Variants in FSTL3 observed in about 807,000 individuals in gnomAD.
The protein encoded by FSTL3 is follistatin like 3.
In FSTL3, 21 loss-of-function variants were observed where a neutral mutation model predicts 28.1. That is an observed-to-expected ratio of 0.75 (90% CI 0.53 to 1.08). The LOEUF is 1.08. Ranked by LOEUF, FSTL3 falls within the 50% of genes least tolerant of loss-of-function variation. FSTL3 has a pLI of 0.00. For missense variants in FSTL3, 400 were observed against 380.9 expected, an observed-to-expected ratio of 1.05 and a Z score of -0.42; for synonymous variants, 199 against 164.2, an observed-to-expected ratio of 1.21 and a Z score of -1.62.
chr19:677,899 TG>T lies in FSTL3; in HGVS notation c.213del (p.Trp71CysfsTer89). The T allele has an allele frequency of 6.2e-7, 1 of 1,613,590 alleles. No homozygotes were observed. The highest frequency in any genetic ancestry group is 8.5e-7 in the Non-Finnish European group (1 of 1,179,990). ...TGCCTCCGGCAACATTGACACCGCC[TG>T]GTCCAACCTCACCCACCCGGGGAAC... ...CCASGNIDTAWSNLTHPGNKI... is the reference protein window; with the variant it reads ...CCASGNIDTAXSNLTHPGNKI... On this transcript the variant is annotated frameshift_variant, in exon 2 of 5. Coordinates refer to ENST00000166139, the MANE Select transcript of FSTL3 (RefSeq NM_005860.3). LOFTEE classifies it high-confidence loss of function.
intron 3 of FSTL3, chr19:680,785 C>G (rs2031316863): frequency 3.2e-6 from 1 of 312,002 alleles, no homozygotes; most frequent in Non-Finnish European, 5.9e-6. Flanking sequence ...GTAAGGGCGT[C>G]TTTATACTTC....
chr19:680,968 C>G (rs2144800808), intron 3 of FSTL3: 2 of 288,722 alleles, frequency 6.9e-6, no homozygotes, highest in Non-Finnish European at 6.4e-6. Flanking sequence ...GGGGGTGAGA[C>G]TGGGTCATGT....
intron 1 of FSTL3, 100 bp downstream of exon 1, chr19:676,626 G>GCGGCGA: frequency 2.9e-6 from 1 of 343,024 alleles, no homozygotes; most frequent in Non-Finnish European, 4.8e-6. Flanking sequence ...GGCGGCGGCG[G>GCGGCGA]GGGCGAGGGC....
intron 3 of FSTL3, chr19:680,973 T>G (rs773335707): frequency 1.0e-5 from 3 of 297,708 alleles, no homozygotes; most frequent in Non-Finnish European, 1.3e-5. Context: ...TGAGACTGGG[T>G]CATGTAAGGG....
chr19:681,859 C>T lies in FSTL3; in HGVS notation c.*151C>T, dbSNP rs1311873461. 5.6e-6 allele frequency: 4 copies of T among 719,122 alleles called. No individual in the cohort carries two copies. The highest frequency in any genetic ancestry group is 7.1e-6 in the Non-Finnish European group (3 of 423,452). The allele number at this position is 719,122 out of a possible 1,614,324, so 44.5% of individuals were successfully genotyped here. On this transcript the variant is annotated 3_prime_UTR_variant, in exon 5 of 5. Coordinates refer to ENST00000166139, the MANE Select transcript of FSTL3 (RefSeq NM_005860.3). ...GATCCCAGAACCTCCCTGACGATAT[C>T]CTGGAAGGACTGAGGAAGGGAGGCC...
intron 2 of FSTL3, among the ~76,000 whole-genome samples, chr19:678,835 T>G (rs1241284942): frequency 6.6e-6 from 1 of 151,700 alleles, no homozygotes; most frequent in Non-Finnish European, 1.5e-5. Context: ...TTGAAGGAGG[T>G]GGGCATTAGA....
intron 2 of FSTL3, 66 bp downstream of exon 2, chr19:678,043 G>A: frequency 6.7e-7 from 1 of 1,491,122 alleles, no homozygotes; most frequent in Non-Finnish European, 9.2e-7. Context: ...CAGTCATGGT[G>A]GTCGAGGGCC....
At chr19:676,624 CGGG>C (rs990873264) in intron 1 of FSTL3, 98 bp downstream of exon 1, 9 of 291,864 alleles carry the variant, frequency 3.1e-5, no homozygotes, top group African/African-American at 1.7e-4. Flanking sequence ...GCGGCGGCGG[CGGG>C]GGCGAGGGCG....
chr19:680,977 G>A (rs923844149), intron 3 of FSTL3: 1 of 339,690 alleles, frequency 2.9e-6, no homozygotes, highest in Non-Finnish European at 5.5e-6. Context: ...ACTGGGTCAT[G>A]TAAGGGGCGG....
At chr19:677,365 C>T (rs956666475) in intron 1 of FSTL3, among the ~76,000 whole-genome samples, 1 of 151,974 alleles carries the variant, frequency 6.6e-6, no homozygotes, top group African/African-American at 2.4e-5. Flanking sequence ...GGCTGCCAGG[C>T]GCGGGGCTCC....
chr19:677,801 G>A lies in FSTL3; in HGVS notation c.113G>A (p.Cys38Tyr). The A allele has an allele frequency of 6.2e-7, 1 of 1,609,048 alleles. No homozygotes were observed. The highest frequency in any genetic ancestry group is 8.5e-7 in the Non-Finnish European group (1 of 1,179,428). ...GSGNPAPGGV[C>Y]WLQQGQEATC... ...GTTCCCCGGCCCGCAGGTGGTGTTT[G>A]CTGGCTCCAGCAGGGCCAGGAGGCC... is the stretch of plus-strand genomic sequence containing the variant. Residue 38 changes from cysteine to tyrosine, a missense_variant, in exon 2 of 5, where the codon TGC becomes TAC. Cys to Tyr is a radical substitution (Grantham distance 194). Transcript: ENST00000166139.
At chr19:679,704 G>T (rs2031283618) in intron 2 of FSTL3, among the ~76,000 whole-genome samples, 1 of 152,112 alleles carries the variant, frequency 6.6e-6, no homozygotes, top group African/African-American at 2.4e-5. Context: ...CTGAGCAGCG[G>T]GGCTGCGGGG....
At chr19:677,424 G>A (rs2031236708) in intron 1 of FSTL3, among the ~76,000 whole-genome samples, 1 of 152,140 alleles carries the variant, frequency 6.6e-6, no homozygotes, top group Non-Finnish European at 1.5e-5. Context: ...AGAGGCGGGA[G>A]AAGCGGCTCC....
At chr19:677,769 G>A in intron 1 of FSTL3, 23 bp from the exon 2 acceptor site, 2 of 1,588,172 alleles carry the variant, frequency 1.3e-6, no homozygotes, top group Non-Finnish European at 1.7e-6. Context: ...GCCCAGGAGA[G>A]CACCCCGTTC....
chr19:678,511 T>TTC lies in FSTL3; in HGVS notation c.289+535_289+536insCT, dbSNP rs1555683085. On this transcript the variant is annotated intron_variant, in intron 2 of 4. Coordinates refer to ENST00000166139, the MANE Select transcript of FSTL3 (RefSeq NM_005860.3). The stretch of plus-strand genomic sequence containing the variant: ...CTGGAGGATGATGGTTTTTTTTTTT[T>TTC]TTTTTTTTTTTTTTCCTGAGATGGA... 2.4e-5 allele frequency among the ~76,000 whole-genome samples: 3 copies of TTC among 122,868 alleles called. No individual in the cohort carries two copies. In the East Asian group the frequency reaches 7.5e-4, roughly 31 times the overall value. 80.6% of individuals were successfully genotyped at this position (122,868 alleles called of 152,430 possible).
chr19:679,503 C>T (rs2031279723), intron 2 of FSTL3, among the ~76,000 whole-genome samples: 1 of 152,224 alleles, frequency 6.6e-6, no homozygotes, highest in South Asian at 2.1e-4. Flanking sequence ...TCATCTGGGT[C>T]CTGGCTGCAG....
At chr19:678,508 T>TG (rs544981495) in intron 2 of FSTL3, among the ~76,000 whole-genome samples, 3,317 of 118,134 alleles carry the variant, frequency 0.028, 85 homozygotes, top group South Asian at 0.06. Context: ...GGTTTTTTTT[T>TG]TTTTTTTTTT....
chr19:679,561 G>A (rs2031280919), intron 2 of FSTL3, among the ~76,000 whole-genome samples: 1 of 152,218 alleles, frequency 6.6e-6, no homozygotes, highest in Middle Eastern at 3.2e-3. Context: ...CTGCGACCCG[G>A]CCTCAGTTTC....
In FSTL3 at chr19:680,365, G is replaced by A. The variant is rs1568203271; in HGVS notation, c.381G>A (p.Gly127=). 3 of 1,280,722 alleles carry A rather than the reference G, an allele frequency of 2.3e-6. No homozygotes were observed. The highest frequency in any genetic ancestry group is 2.5e-5 in the South Asian group (1 of 39,470). 79.3% of individuals were successfully genotyped at this position (1,280,722 alleles called of 1,614,324 possible). ...GCGAGTGCGCGCCCGACTGCTCGGGGCTCCCGGCGCGGCTGCAGGTCTGCG... is the reference window on the plus strand; with the variant it reads ...GCGAGTGCGCGCCCGACTGCTCGGGACTCCCGGCGCGGCTGCAGGTCTGCG... ...PRCECAPDCS[G]LPARLQVCGS... is the part of the protein sequence containing the mutation. Residue 127 remains glycine, a synonymous_variant, in exon 3 of 5, where the codon GGG becomes GGA. Transcript: ENST00000166139.
Sources: gnomAD v4.1 joint callset for allele counts (sites outside exome capture counted in the v4.1 genomes callset) on GRCh38, gnomAD v4.1.1 for gene constraint, MANE v1.5 for transcripts, NCBI Gene and HGNC (gene_info 2026-07-23, HGNC 2026-07-21) for gene names.